DLG1: variants seen among roughly 807,000 people sequenced by gnomAD.
DLG1 encodes the protein discs large MAGUK scaffold protein 1, also known as disks large homolog 1.
Under a neutral mutation model 123.4 loss-of-function variants are expected in DLG1, and 42 were observed. The observed-to-expected ratio is 0.34, with a 90% CI of 0.27 to 0.44. The LOEUF is 0.44. DLG1 is among the 20% of genes least tolerant of loss of function. DLG1 has a pLI of 1.00. For synonymous variants in DLG1, 317 were observed against 356.2 expected (o/e 0.89, Z 1.24); for missense variants, 942 against 1,082.6 (o/e 0.87, Z 1.82).
At chr3:197,132,465 A>C (rs558031298) in intron 10 of DLG1, among the ~76,000 whole-genome samples, 235 of 152,352 alleles carry the variant, frequency 1.5e-3, no homozygotes, top group South Asian at 3.3e-3. Flanking sequence ...ACAGAATAAT[A>C]ATTTCCCTTC....
At chr3:197,227,336 G>A (rs1193564971) in intron 4 of DLG1, among the ~76,000 whole-genome samples, 3 of 151,924 alleles carry the variant, frequency 2.0e-5, no homozygotes, top group Non-Finnish European at 2.9e-5. Flanking sequence ...TTAGCCAGGC[G>A]TGGTGGTACG....
intron 13 of DLG1, among the ~76,000 whole-genome samples, chr3:197,112,217 T>C (rs1351367668): frequency 6.6e-6 from 1 of 152,214 alleles, no homozygotes; most frequent in African/African-American, 2.4e-5. Flanking sequence ...GAATACCTAT[T>C]TTTATCTAGG....
rs1773015974 is a variant in DLG1, at chr3:197,115,885, A to G, written c.1443+42T>C. 7 of 1,593,626 alleles carry G rather than the reference A, an allele frequency of 4.4e-6. No homozygotes were observed. The South Asian group carries it at 4.7e-5, about 11-fold the overall frequency. ...AAGACCTTGCTTTAAAAATAGGTCC[A>G]GTGAAAATAACAAAAACGTGATCTT... On this transcript the variant is annotated intron_variant, in intron 13 of 24. Transcript: ENST00000667157.
At chr3:197,269,392 T>C (rs996805627) in intron 4 of DLG1, among the ~76,000 whole-genome samples, 23 of 152,200 alleles carry the variant, frequency 1.5e-4, no homozygotes, top group Non-Finnish European at 3.4e-4. Context: ...TCATACCACA[T>C]ATTACTGTAT....
chr3:197,195,203 C>T (rs73086571), intron 4 of DLG1, among the ~76,000 whole-genome samples: 1,629 of 151,486 alleles, frequency 0.011, 31 homozygotes, highest in African/African-American at 0.037. Flanking sequence ...AATAAACCTA[C>T]TCATAAAGAA....
At position 197,090,826 on chromosome 3, in the gene DLG1, A is replaced by G. The variant is rs1024364449; in HGVS notation, c.1661+86T>C. Reference sequence around the variant, plus strand: ...TGGCAATATATTTTCTTACGGTAAAACTAAGTAAGTTATAGTGAAAAATAC... The same window carrying G: ...TGGCAATATATTTTCTTACGGTAAAGCTAAGTAAGTTATAGTGAAAAATAC... On this transcript the variant is annotated intron_variant, in intron 15 of 24. Transcript: ENST00000667157. 644 of 769,546 alleles carry G rather than the reference A, an allele frequency of 8.4e-4. 10 individuals are homozygous for G. The highest frequency in any genetic ancestry group is 1.4e-4 in the Non-Finnish European group (69 of 476,974). The allele number at this position is 769,546 out of a possible 1,614,324, so 47.7% of individuals were successfully genotyped here.
intron 5 of DLG1, among the ~76,000 whole-genome samples, chr3:197,162,700 T>C (rs1437684909): frequency 1.1e-4 from 16 of 152,144 alleles, no homozygotes; most frequent in Non-Finnish European, 1.5e-5. Flanking sequence ...TCTCACATTA[T>C]ATATAAAAAT....
intron 8 of DLG1, among the ~76,000 whole-genome samples, chr3:197,139,666 G>T (rs954030522): frequency 1.3e-5 from 2 of 152,120 alleles, no homozygotes; most frequent in African/African-American, 4.8e-5. Context: ...TAGTCTTTGT[G>T]GTGTGGGATT....
chr3:197,163,203 G>C (rs950143713), intron 5 of DLG1, among the ~76,000 whole-genome samples: 24 of 152,168 alleles, frequency 1.6e-4, no homozygotes, highest in Non-Finnish European at 2.6e-4. Flanking sequence ...AAAAAACAAA[G>C]TAACAAGTGG....
At chr3:197,187,555 C>G (rs1461588752) in intron 5 of DLG1, among the ~76,000 whole-genome samples, 1 of 152,124 alleles carries the variant, frequency 6.6e-6, no homozygotes, top group Non-Finnish European at 1.5e-5. Context: ...ACTTTGTATA[C>G]AATAGTTTGA....
chr3:197,236,319 T>TAA (rs150310402), intron 4 of DLG1, among the ~76,000 whole-genome samples: 2 of 150,852 alleles, frequency 1.3e-5, no homozygotes, highest in African/African-American at 4.9e-5. Context: ...TCTCAAAAAT[T>TAA]AAAAAAAAGA....
intron 5 of DLG1, among the ~76,000 whole-genome samples, chr3:197,164,668 G>A (rs2149941336): frequency 6.6e-6 from 1 of 151,418 alleles, no homozygotes; most frequent in East Asian, 1.9e-4. Flanking sequence ...TTCGGAGGAC[G>A]CGGCAGGCAG....
intron 5 of DLG1, among the ~76,000 whole-genome samples, chr3:197,180,880 C>T (rs751524391): frequency 1.1e-4 from 17 of 152,134 alleles, no homozygotes; most frequent in Admixed American, 3.3e-4. Flanking sequence ...CAGGAGATAA[C>T]ATTTGAGGTG....
chr3:197,150,268 T>A (rs1348437415), intron 5 of DLG1, among the ~76,000 whole-genome samples: 1 of 152,122 alleles, frequency 6.6e-6, no homozygotes, highest in Non-Finnish European at 1.5e-5. Context: ...TGTAAACTTT[T>A]AGAAACTAAA....
At chr3:197,134,763 A>G (rs1420137623) in intron 10 of DLG1, among the ~76,000 whole-genome samples, 1 of 152,238 alleles carries the variant, frequency 6.6e-6, no homozygotes, top group Non-Finnish European at 1.5e-5. Context: ...TTGACCTGTC[A>G]TACCACTGCA....
chr3:197,076,811 C>G (rs1377503853), intron 17 of DLG1, 126 bp from the exon 18 acceptor site: 1 of 479,854 alleles, frequency 2.1e-6, no homozygotes. Context: ...ATGATTTTTA[C>G]TTTAATCTCA....
intron 3 of DLG1, among the ~76,000 whole-genome samples, chr3:197,292,789 G>C (rs1240022567): frequency 6.6e-6 from 1 of 152,166 alleles, no homozygotes; most frequent in Non-Finnish European, 1.5e-5. Flanking sequence ...ATTAGAATAA[G>C]CTTATTTATT....
intron 5 of DLG1, among the ~76,000 whole-genome samples, chr3:197,178,826 T>A (rs965251330): frequency 2.0e-5 from 3 of 151,686 alleles, no homozygotes; most frequent in East Asian, 3.9e-4. Context: ...CTGGATTTGA[T>A]AATCTACACT....
At chr3:197,263,666 A>G (rs183544455) in intron 4 of DLG1, among the ~76,000 whole-genome samples, 1 of 152,280 alleles carries the variant, frequency 6.6e-6, no homozygotes, top group Non-Finnish European at 1.5e-5. Flanking sequence ...GCATGCCTGT[A>G]ATCCCAGCTA....
Sources: gnomAD v4.1 joint callset for allele counts (sites outside exome capture counted in the v4.1 genomes callset) on GRCh38, gnomAD v4.1.1 for gene constraint, MANE v1.5 for transcripts, NCBI Gene and HGNC (gene_info 2026-07-23, HGNC 2026-07-21) for gene names.